Variants in ATXN10 observed in about 807,000 individuals in gnomAD.
ATXN10 encodes the protein ataxin-10.
A neutral mutation model predicts 52.9 loss-of-function variants in ATXN10; 28 were observed. The observed-to-expected ratio is 0.53, with a 90% CI of 0.39 to 0.73. The LOEUF is 0.73. ATXN10 is among the 30% of genes least tolerant of loss of function. ATXN10 has a pLI of 0.00. For synonymous variants in ATXN10, 226 were observed against 221.5 expected (o/e 1.02, Z -0.18); for missense variants, 565 against 577.0 (o/e 0.98, Z 0.21).
chr22:45,813,301 G>T (rs1928345612), intron 10 of ATXN10, among the ~76,000 whole-genome samples: 1 of 146,482 alleles, frequency 6.8e-6, no homozygotes, highest in African/African-American at 2.5e-5. Flanking sequence ...TTTTTGATCT[G>T]TGTTTTGATC....
In ATXN10 at chr22:45,754,477, ATCC is replaced by A. The variant is rs1926104249; in HGVS notation, c.1173+13942_1173+13944del. 6.6e-6 allele frequency among the ~76,000 whole-genome samples: 1 copy of A among 152,122 alleles called. No homozygotes were observed. Among genetic ancestry groups the A allele is most frequent in the African/African-American group, 2.4e-5 (1 of 41,402 alleles). On this transcript the variant is annotated intron_variant, in intron 9 of 11. Coordinates refer to ENST00000252934, the MANE Select transcript of ATXN10 (RefSeq NM_013236.4). The surrounding 1 kb of genome is among the most constrained non-coding windows in gnomAD (Gnocchi z 5.4). ...TCAGAGGTGTGTTTTGTTTTATCTC[ATCC>A]TCTTCAGAGCCTGTGCTTACTGTGT...
intron 9 of ATXN10, among the ~76,000 whole-genome samples, chr22:45,748,824 G>T (rs1925836393): frequency 6.6e-6 from 1 of 152,130 alleles, no homozygotes; most frequent in Non-Finnish European, 1.5e-5. Flanking sequence ...GTCACCATTA[G>T]TTCCCTGAAC....
At chr22:45,738,439 A>T (rs1925382401) in intron 7 of ATXN10, 2 of 354,594 alleles carry the variant, frequency 5.6e-6, no homozygotes, top group African/African-American at 4.2e-5. Context: ...CACTGTTGGA[A>T]TGTCTTTTTG....
chr22:45,746,966 C>T (rs529174831), intron 9 of ATXN10, among the ~76,000 whole-genome samples: 11 of 152,188 alleles, frequency 7.2e-5, no homozygotes, highest in Middle Eastern at 3.2e-3. Flanking sequence ...ATATGAAACA[C>T]TTTATTTGGG....
chr22:45,753,398 T>A (rs1426510081), intron 9 of ATXN10, among the ~76,000 whole-genome samples: 26 of 44,136 alleles, frequency 5.9e-4, no homozygotes, highest in Non-Finnish European at 9.1e-4. Context: ...TTTTTTTTTT[T>A]TTTTTTTTTT....
Position 45,844,001 on chromosome 22 carries a change from G to T in ATXN10, c.*330G>T. On this transcript the variant is annotated 3_prime_UTR_variant, in exon 12 of 12. Coordinates refer to ENST00000252934, the MANE Select transcript of ATXN10 (RefSeq NM_013236.4). ...CCTTATTTGACAAAACTTGGATGTT[G>T]GCTTGACTGTGTTTGTCCCTTCAGA... 2.9e-6 allele frequency: 1 copy of T among 348,250 alleles called. No individual in the cohort carries two copies. Among genetic ancestry groups the T allele is most frequent in the Non-Finnish European group, 5.3e-6 (1 of 189,802 alleles). The allele number at this position is 348,250 out of a possible 1,614,324, so 21.6% of individuals were successfully genotyped here. A position where few individuals can be genotyped will look rare whatever the true frequency, so the allele number is the denominator to read the frequency against.
At chr22:45,694,145 G>A (rs544541795) in intron 3 of ATXN10, among the ~76,000 whole-genome samples, 8 of 152,206 alleles carry the variant, frequency 5.3e-5, no homozygotes, top group Admixed American at 5.2e-4. Flanking sequence ...GTTAACGGTT[G>A]TTGACTTGGG....
At chr22:45,802,339 T>C (rs1210961109) in intron 9 of ATXN10, among the ~76,000 whole-genome samples, 1 of 152,228 alleles carries the variant, frequency 6.6e-6, no homozygotes, top group East Asian at 1.9e-4. Context: ...AATGAAGTGC[T>C]GACAGAAGAA....
At chr22:45,679,033 C>G (rs950743542) in intron 1 of ATXN10, 2 of 152,166 alleles carry the variant, frequency 1.3e-5, no homozygotes, top group African/African-American at 4.8e-5. Context: ...CATTTTCCCT[C>G]AAGGTTGAGT....
chr22:45,729,713 C>A, intron 7 of ATXN10, 123 bp downstream of exon 7: 1 of 1,082,444 alleles, frequency 9.2e-7, no homozygotes. Flanking sequence ...GTAATGTATC[C>A]ATATATGAGA....
Position 45,712,717 on chromosome 22 carries a change from TC to T in ATXN10, c.648-5695del, listed in dbSNP as rs1306865127. Among the ~76,000 whole-genome samples the T allele has an allele frequency of 1.3e-5, 2 of 152,238 alleles. No homozygotes were observed. Among genetic ancestry groups the T allele is most frequent in the African/African-American group, 4.8e-5 (2 of 41,464 alleles). On this transcript the variant is annotated intron_variant, in intron 5 of 11. Transcript: ENST00000252934. This position sits in a 1 kb window ranked among gnomAD's most constrained non-coding sequence, Gnocchi z 4.6. ...TTTTTCAGATTATAACTCATTTTCT[TC>T]TAGTAGAGGAAGCATCGCCATTGAA...
intron 9 of ATXN10, among the ~76,000 whole-genome samples, chr22:45,747,800 T>C (rs932455028): frequency 6.6e-6 from 1 of 152,036 alleles, no homozygotes; most frequent in African/African-American, 2.4e-5. Context: ...AATGTGATCA[T>C]GTATAGGAAG....
Position 45,805,487 on chromosome 22 carries a change from C to G in ATXN10, c.1174-1472C>G, listed in dbSNP as rs547187075. 1.2e-4 allele frequency among the ~76,000 whole-genome samples: 18 copies of G among 152,240 alleles called. No individual in the cohort carries two copies. The highest frequency in any genetic ancestry group is 3.6e-4 in the African/African-American group (15 of 41,534). On this transcript the variant is annotated intron_variant, in intron 9 of 11. Transcript: ENST00000252934. The surrounding 1 kb of genome is among the most constrained non-coding windows in gnomAD (Gnocchi z 4.4). Reference sequence around the variant, plus strand: ...GGGTGAATGGAAAAATGCAATGTGGCATATCCGTACAATGCACTGTTCACG... The same window carrying G: ...GGGTGAATGGAAAAATGCAATGTGGGATATCCGTACAATGCACTGTTCACG...
In ATXN10 at chr22:45,677,515, TAAAAA is replaced by T. The variant is rs61443873; in HGVS notation, c.116+5346_116+5350del. On this transcript the variant is annotated intron_variant, in intron 1 of 11. Transcript: ENST00000252934. This position sits in a 1 kb window ranked among gnomAD's most constrained non-coding sequence, Gnocchi z 4.1. ...AAAAAAAATTCAGGCCAAAAGGTCT[TAAAAA>T]AAAAAAAAAGAAAAGGCAAGTCCTG... 2.2e-5 allele frequency: 3 copies of T among 139,008 alleles called. No individual in the cohort carries two copies. Among genetic ancestry groups the T allele is most frequent in the African/African-American group, 5.2e-5 (2 of 38,246 alleles). 8.6% of individuals were successfully genotyped at this position (139,008 alleles called of 1,614,324 possible). A position where few individuals can be genotyped will look rare whatever the true frequency, so the allele number is the denominator to read the frequency against.
At chr22:45,765,791 T>C (rs1601632599) in intron 9 of ATXN10, among the ~76,000 whole-genome samples, 1 of 152,262 alleles carries the variant, frequency 6.6e-6, no homozygotes, top group East Asian at 1.9e-4. Flanking sequence ...AAAGACTCAA[T>C]TTCATTCAGA....
intron 10 of ATXN10, among the ~76,000 whole-genome samples, chr22:45,827,511 T>C (rs554393174): frequency 5.3e-5 from 8 of 152,126 alleles, no homozygotes; most frequent in African/African-American, 1.2e-4. Context: ...GTGACTAATA[T>C]CAGACAAAAT....
chr22:45,736,189 T>C (rs944885633), intron 7 of ATXN10, among the ~76,000 whole-genome samples: 1 of 152,180 alleles, frequency 6.6e-6, no homozygotes, highest in Admixed American at 6.5e-5. Flanking sequence ...AGTGTACTTA[T>C]ACTCCATATG....
In ATXN10 at chr22:45,772,951, T is replaced by G. The variant is rs1269563495; in HGVS notation, c.1173+32413T>G. Among the ~76,000 whole-genome samples, 1 of 152,232 alleles carries G rather than the reference T, an allele frequency of 6.6e-6. No individual in the cohort carries two copies. Among genetic ancestry groups the G allele is most frequent in the Non-Finnish European group, 1.5e-5 (1 of 68,044 alleles). On this transcript the variant is annotated intron_variant, in intron 9 of 11. Coordinates refer to ENST00000252934, the MANE Select transcript of ATXN10 (RefSeq NM_013236.4). The surrounding 1 kb of genome is among the most constrained non-coding windows in gnomAD (Gnocchi z 4.1). ...CCATCTGTAGACTTCTTATAATACC[T>G]AATACATGTAAATGCTGTGTGCATA...
intron 9 of ATXN10, among the ~76,000 whole-genome samples, chr22:45,796,613 C>G (rs1927748219): frequency 6.6e-6 from 1 of 152,206 alleles, no homozygotes; most frequent in Admixed American, 6.5e-5. Context: ...CTTTATTTCT[C>G]AGACCGGCCG....
Sources: allele counts gnomAD v4.1 joint callset (sites outside exome capture counted in the v4.1 genomes callset), GRCh38; gene constraint gnomAD v4.1.1; non-coding constraint Gnocchi (gnomAD v3.1); transcripts MANE v1.5; gene names NCBI Gene and HGNC (gene_info 2026-07-23, HGNC 2026-07-21).